The following MEGF10 variants were observed in gnomAD, a reference collection of about 807,000 sequenced individuals.
The protein encoded by MEGF10 is multiple epidermal growth factor-like domains protein 10.
In MEGF10, 86 loss-of-function variants were observed where a neutral mutation model predicts 147.5. The ratio of observed to expected loss-of-function variants is 0.58; its 90% CI spans 0.49 to 0.70. MEGF10 has a LOEUF of 0.70. MEGF10 is among the 30% of genes least tolerant of loss of function. The pLI is 0.00. For missense variants in MEGF10, 1,329 were observed against 1,487.3 expected (o/e 0.89, Z 1.75); for synonymous variants, 478 against 525.5 (o/e 0.91, Z 1.24).
chr5:127,272,536 G>A, the MEGF10 span, among the ~76,000 whole-genome samples: 23 of 152,092 alleles, frequency 1.5e-4, no homozygotes, highest in South Asian at 8.3e-4. Flanking sequence ...CCATTTTCAC[G>A]ATATTGATTC....
At chr5:127,402,363 T>C (rs1764166171) in intron 7 of MEGF10, among the ~76,000 whole-genome samples, 183 bp from the exon 8 acceptor site, 1 of 152,242 alleles carries the variant, frequency 6.6e-6, no homozygotes, top group Non-Finnish European at 1.5e-5. Flanking sequence ...ATTAAGTCAA[T>C]TTAATGTTTC....
chr5:127,255,649 G>T, the MEGF10 span, among the ~76,000 whole-genome samples: 1 of 152,188 alleles, frequency 6.6e-6, no homozygotes, highest in South Asian at 2.1e-4. Flanking sequence ...GGAGGAGAGA[G>T]TAAGAATGAA....
the MEGF10 span, among the ~76,000 whole-genome samples, chr5:127,271,678 G>T: frequency 1.3e-5 from 2 of 151,998 alleles, no homozygotes; most frequent in South Asian, 4.2e-4. Flanking sequence ...AAGATCTGAT[G>T]GTTATATAAG....
intron 1 of MEGF10, among the ~76,000 whole-genome samples, chr5:127,295,778 C>T (rs1759469186): frequency 6.6e-6 from 1 of 152,180 alleles, no homozygotes; most frequent in Admixed American, 6.5e-5. Flanking sequence ...ACTGCCTTTA[C>T]TCTCAGTTTC....
intron 9 of MEGF10, among the ~76,000 whole-genome samples, chr5:127,415,649 A>G (rs1426046830): frequency 6.6e-6 from 1 of 152,140 alleles, no homozygotes; most frequent in Non-Finnish European, 1.5e-5. Flanking sequence ...CACGCTTATA[A>G]TCCCAGCACT....
intron 13 of MEGF10, among the ~76,000 whole-genome samples, chr5:127,432,875 A>G (rs1313174854): frequency 6.6e-6 from 1 of 152,228 alleles, no homozygotes; most frequent in African/African-American, 2.4e-5. Context: ...TGTTCTGCAC[A>G]ATGCACCATC....
At chr5:127,392,150 G>A (rs1763725267) in intron 5 of MEGF10, among the ~76,000 whole-genome samples, 1 of 152,208 alleles carries the variant, frequency 6.6e-6, no homozygotes, top group African/African-American at 2.4e-5. Flanking sequence ...AGGCTGGGGA[G>A]TACTGAGGGA....
rs750674329 is a variant in MEGF10 at position 127,410,528 on chromosome 5, C to T, written c.1057C>T (p.Arg353Cys). 1.2e-5 allele frequency: 20 copies of T among 1,613,606 alleles called. No individual in the cohort carries two copies. Among genetic ancestry groups the T allele is most frequent in the Admixed American group, 1.7e-5 (1 of 60,012 alleles). ...CTTTGCTGGCGAGCGCTGCGAAGCA[C>T]GCCTGTGTCCTGAGGGGCTCTACGG... ...AGFAGERCEA[R>C]LCPEGLYGIK... Residue 353 changes from arginine to cysteine, a missense_variant, in exon 9 of 25, where the codon CGC (arginine) becomes TGC (cysteine). By Grantham distance (180) the Arg-to-Cys change is radical. This residue lies in a region of MEGF10 where 980 missense variants were observed against 1,085.9 expected (regional missense o/e 0.90). Transcript: ENST00000503335.
the MEGF10 span, among the ~76,000 whole-genome samples, chr5:127,233,266 G>T: frequency 6.6e-6 from 1 of 152,188 alleles, no homozygotes; most frequent in Non-Finnish European, 1.5e-5. Context: ...GGTTCTGCTA[G>T]AAGTAGGACA....
At chr5:127,369,253 C>G (rs565084678) in intron 4 of MEGF10, among the ~76,000 whole-genome samples, 1 of 152,280 alleles carries the variant, frequency 6.6e-6, no homozygotes, top group East Asian at 1.9e-4. Flanking sequence ...ATCAGACTGT[C>G]CATTCACTCA....
In MEGF10 at chr5:127,331,427, A is replaced by G; in HGVS notation, c.116+3A>G. 1 of 1,568,104 alleles carries G rather than the reference A, an allele frequency of 6.4e-7. No individual in the cohort carries two copies. Among genetic ancestry groups the G allele is most frequent in the Non-Finnish European group, 8.8e-7 (1 of 1,140,632 alleles). ...AATGTGTGTAGCCACTGGGAAAGGTAATGGTTTTGAAAGGAGCCTGACAAA... is the reference window on the plus strand; with the variant it reads ...AATGTGTGTAGCCACTGGGAAAGGTGATGGTTTTGAAAGGAGCCTGACAAA... On this transcript the variant is annotated splice_donor_region_variant and intron_variant, in intron 2 of 24. Transcript: ENST00000503335.
chr5:127,430,208 C>T (rs1765346856), intron 13 of MEGF10, among the ~76,000 whole-genome samples: 2 of 152,150 alleles, frequency 1.3e-5, no homozygotes, highest in East Asian at 1.9e-4. Flanking sequence ...CTTCTCACAG[C>T]AAACCAGTAG....
At chr5:127,234,945 G>A in the MEGF10 span, among the ~76,000 whole-genome samples, 2 of 152,096 alleles carry the variant, frequency 1.3e-5, no homozygotes, top group East Asian at 3.9e-4. Context: ...CCTGGTTCAA[G>A]CAATTCCCCT....
rs1391659195 is a variant in MEGF10, at chr5:127,340,460, T to C, written c.219-70T>C. On this transcript the variant is annotated intron_variant, in intron 3 of 24. Transcript: ENST00000503335. ...TAGACATGTATTCCATATTTCTTCA[T>C]AACTAGTTTGAAATACTTTGCTTTT... 10 of 1,160,316 alleles carry C rather than the reference T, an allele frequency of 8.6e-6. No homozygotes were observed. The Admixed American group carries it at 1.6e-4, about 19-fold the overall frequency. 71.9% of individuals were successfully genotyped at this position (1,160,316 alleles called of 1,614,324 possible). A position where few individuals can be genotyped will look rare whatever the true frequency, so the allele number is the denominator to read the frequency against.
At chr5:127,391,151 CACATACAT>C (rs767872823) in intron 5 of MEGF10, among the ~76,000 whole-genome samples, 3,989 of 37,616 alleles carry the variant, frequency 0.11, 131 homozygotes, top group Non-Finnish European at 0.18. Flanking sequence ...CACACACACA[CACATACAT>C]GCTTATTTCT....
At chr5:127,369,228 C>T (rs915847995) in intron 4 of MEGF10, among the ~76,000 whole-genome samples, 1 of 152,136 alleles carries the variant, frequency 6.6e-6, no homozygotes, top group Non-Finnish European at 1.5e-5. Context: ...TATTTTAATG[C>T]CTATTTTGGA....
At chr5:127,381,664 T>C (rs1240656090) in intron 5 of MEGF10, among the ~76,000 whole-genome samples, 1 of 152,142 alleles carries the variant, frequency 6.6e-6, no homozygotes, top group African/African-American at 2.4e-5. Context: ...GTTGTTTCTT[T>C]TTGTTTTTGT....
At position 127,443,223 on chromosome 5, in the gene MEGF10, T is replaced by A. The variant is rs564840858; in HGVS notation, c.2491+97T>A. 4 of 1,291,200 alleles carry A rather than the reference T, an allele frequency of 3.1e-6. No homozygotes were observed. The African/African-American group carries it at 6.0e-5, about 19-fold the overall frequency. The allele number at this position is 1,291,200 out of a possible 1,614,324, so 80.0% of individuals were successfully genotyped here. A position where few individuals can be genotyped will look rare whatever the true frequency, so the allele number is the denominator to read the frequency against. On this transcript the variant is annotated intron_variant, in intron 19 of 24. Transcript: ENST00000503335. ...TTTTCACTTATGTTATCCAGCAGAA[T>A]CTTCACCACAACTCTAAATGGCATA...
At chr5:127,373,624 G>C (rs564292543) in intron 5 of MEGF10, among the ~76,000 whole-genome samples, 1 of 152,264 alleles carries the variant, frequency 6.6e-6, no homozygotes, top group Admixed American at 6.5e-5. Flanking sequence ...TATAAACCAA[G>C]ATCTAGGTGC....
Sources: gnomAD v4.1 joint callset for allele counts (sites outside exome capture counted in the v4.1 genomes callset) on GRCh38, gnomAD v4.1.1 for gene constraint, gnomAD v4.1.1 regional missense constraint, MANE v1.5 for transcripts, NCBI Gene and HGNC (gene_info 2026-07-23, HGNC 2026-07-21) for gene names.